ANO1: variants seen among roughly 807,000 people sequenced by gnomAD.
ANO1 encodes anoctamin-1.
A neutral mutation model predicts 124.0 loss-of-function variants in ANO1; 59 were observed. The ratio of observed to expected loss-of-function variants is 0.48; its 90% CI spans 0.39 to 0.59. The LOEUF is 0.59. ANO1 is among the 20% of genes least tolerant of loss of function. The probability of loss-of-function intolerance (pLI) is 0.00; values close to 1 mark genes in which losing one functional copy is unlikely to be tolerated. For missense variants in ANO1, 1,059 were observed against 1,328.0 expected (o/e 0.80, Z 3.15); for synonymous variants, 529 against 532.0 (o/e 0.99, Z 0.08).
chr11:70,066,713 A>C (rs1231229113), intron 1 of ANO1, among the ~76,000 whole-genome samples: 1 of 151,750 alleles, frequency 6.6e-6, no homozygotes, highest in Non-Finnish European at 1.5e-5. Context: ...TGGAGATTAG[A>C]CCCCCTTCAG....
intron 5 of ANO1, chr11:70,108,143 CCT>C: frequency 2.0e-6 from 1 of 498,300 alleles, no homozygotes; most frequent in Non-Finnish European, 3.6e-6. Flanking sequence ...CCTGTTTCTC[CCT>C]GAGAAGCTCA....
intron 11 of ANO1, among the ~76,000 whole-genome samples, chr11:70,136,027 C>T (rs1460242441): frequency 6.6e-6 from 1 of 152,252 alleles, no homozygotes; most frequent in Non-Finnish European, 1.5e-5. Flanking sequence ...AGACCTCCCT[C>T]CTTCTGGGAG....
At chr11:70,089,403 G>A (rs1178878588) in intron 2 of ANO1, among the ~76,000 whole-genome samples, 3 of 152,202 alleles carry the variant, frequency 2.0e-5, no homozygotes, top group Non-Finnish European at 2.9e-5. Flanking sequence ...AACCTGGAGT[G>A]GAAACGCCTC....
chr11:70,061,570 C>T (rs11232322), intron 1 of ANO1, among the ~76,000 whole-genome samples: 34,629 of 150,506 alleles, frequency 0.23, 4,674 homozygotes, highest in South Asian at 0.33. Flanking sequence ...AAGCTCCCTT[C>T]TCTTAGCCCT....
intron 1 of ANO1, among the ~76,000 whole-genome samples, chr11:70,040,837 G>T (rs564628768): frequency 6.6e-6 from 1 of 152,340 alleles, no homozygotes; most frequent in South Asian, 2.1e-4. Context: ...GGCTATGAAT[G>T]AACAGCTGCA....
chr11:69,977,138 A>G, the ANO1 span, among the ~76,000 whole-genome samples: 1 of 152,176 alleles, frequency 6.6e-6, no homozygotes, highest in African/African-American at 2.4e-5. Context: ...GAAGTCCTTT[A>G]GGGTGAAATT....
In ANO1 at chr11:70,188,887, G is replaced by GTT. The variant is rs11436389; in HGVS notation, c.*890_*891dup. The GTT allele has an allele frequency of 0.026, 3,955 of 151,228 alleles. 91 individuals carry two copies. The highest frequency in any genetic ancestry group is 0.057 in the African/African-American group (2,340 of 40,988). 9.4% of individuals were successfully genotyped at this position (151,228 alleles called of 1,614,324 possible). ...CCTGGAAGCTTTAGAATATTTATGG[G>GTT]TTTTTTTTCAAATATCAATTATATG... On this transcript the variant is annotated 3_prime_UTR_variant, in exon 26 of 26. Transcript: ENST00000355303.
intron 6 of ANO1, among the ~76,000 whole-genome samples, chr11:70,109,011 C>A (rs1433970514): frequency 6.6e-6 from 1 of 152,216 alleles, no homozygotes; most frequent in Non-Finnish European, 1.5e-5. Flanking sequence ...CCCTTGCCCA[C>A]AGCTGCAGGC....
At chr11:70,054,260 G>A in intron 1 of ANO1, among the ~76,000 whole-genome samples, 1 of 152,194 alleles carries the variant, frequency 6.6e-6, no homozygotes, top group Non-Finnish European at 1.5e-5. Context: ...AGATGTTAAT[G>A]GACCCCAGCC....
intron 1 of ANO1, among the ~76,000 whole-genome samples, chr11:70,045,581 TTCA>T (rs1857246897): frequency 6.6e-6 from 1 of 152,152 alleles, no homozygotes; most frequent in Admixed American, 6.5e-5. Context: ...GCTTGATCTG[TTCA>T]TCGATGGAGG....
At chr11:69,997,891 T>C (rs370351916) in intron 1 of ANO1, among the ~76,000 whole-genome samples, 1 of 152,218 alleles carries the variant, frequency 6.6e-6, no homozygotes, top group South Asian at 2.1e-4. Context: ...CAGAAGCAGA[T>C]GCTGCCATGT....
At chr11:70,024,157 T>A (rs2135006918) in intron 1 of ANO1, among the ~76,000 whole-genome samples, 1 of 152,334 alleles carries the variant, frequency 6.6e-6, no homozygotes, top group East Asian at 1.9e-4. Flanking sequence ...GCAGCCCCAG[T>A]GGACAGAGAG....
At position 70,187,959 on chromosome 11, in the gene ANO1, C is replaced by T. The variant is rs61731870; in HGVS notation, c.2916C>T (p.Leu972=). 4.1e-3 allele frequency: 6,439 copies of T among 1,574,420 alleles called. 19 individuals carry two copies. Among genetic ancestry groups the T allele is most frequent in the Non-Finnish European group, 4.9e-3 (5,693 of 1,160,848 alleles). The change falls in exon 26 of 26, where the codon CTC becomes CTT. Residue 972 remains leucine, a synonymous_variant. Transcript: ENST00000355303. ...HHNTKACPDS[L]GSPAPSHAYH... The stretch of plus-strand genomic sequence containing the variant: ...ACACCAAAGCCTGCCCAGACAGCCT[C>T]GGCAGCCCAGCCCCCAGCCATGCCT...
At chr11:70,096,539 T>C (rs2135307449) in intron 2 of ANO1, among the ~76,000 whole-genome samples, 1 of 152,188 alleles carries the variant, frequency 6.6e-6, no homozygotes, top group East Asian at 1.9e-4. Context: ...GTGCTCCTTG[T>C]GAGAATCTAA....
chr11:70,071,191 C>T (rs1857865461), intron 1 of ANO1, among the ~76,000 whole-genome samples: 1 of 152,186 alleles, frequency 6.6e-6, no homozygotes, highest in East Asian at 1.9e-4. Flanking sequence ...CGGGAATGTG[C>T]TGTGATTGGC....
intron 1 of ANO1, among the ~76,000 whole-genome samples, chr11:70,041,867 G>A (rs1555005096): frequency 6.6e-6 from 1 of 151,950 alleles, no homozygotes; most frequent in African/African-American, 2.4e-5. Flanking sequence ...TTCCTGCTGT[G>A]GGTTAAACGC....
intron 1 of ANO1, among the ~76,000 whole-genome samples, chr11:70,006,921 C>T (rs1328310791): frequency 6.6e-6 from 1 of 152,054 alleles, no homozygotes; most frequent in Non-Finnish European, 1.5e-5. Flanking sequence ...CCGCCCGCCT[C>T]GGCCTCCCAA....
At chr11:69,984,023 T>C (rs76316035), upstream of ANO1, among the ~76,000 whole-genome samples, 1,368 of 152,346 alleles carry the variant, frequency 9.0e-3, 23 homozygotes, top group African/African-American at 0.031. Context: ...ATTTACATTT[T>C]TTTTTCCCCC....
the ANO1 span, among the ~76,000 whole-genome samples, chr11:69,976,229 C>G: frequency 6.6e-6 from 1 of 151,972 alleles, no homozygotes; most frequent in African/African-American, 2.4e-5. Flanking sequence ...TCTGACTGGC[C>G]CCTTCTAAGA....
Sources: allele counts gnomAD v4.1 joint callset (sites outside exome capture counted in the v4.1 genomes callset), GRCh38; gene constraint gnomAD v4.1.1; transcripts MANE v1.5; gene names NCBI Gene and HGNC (gene_info 2026-07-23, HGNC 2026-07-21).